NOVA1: variants seen among roughly 807,000 people sequenced by gnomAD.
NOVA1 encodes RNA-binding protein Nova-1.
In NOVA1, 7 loss-of-function variants were observed where a neutral mutation model predicts 38.0. That is an observed-to-expected ratio of 0.18 (90% CI 0.10 to 0.35). The LOEUF is 0.35. Ranked by LOEUF, NOVA1 falls within the 10% of genes least tolerant of loss-of-function variation. The pLI is 1.00. For synonymous variants in NOVA1, 270 were observed against 232.5 expected, an observed-to-expected ratio of 1.16 and a Z score of -1.47; for missense variants, 460 against 616.0, an observed-to-expected ratio of 0.75 and a Z score of 2.68.
rs1395137774 is a variant in NOVA1, at chr14:26,472,383, T to C, written c.456A>G (p.Pro152=). The change falls in exon 4 of 5, where the codon CCA becomes CCG. Residue 152 remains proline, a synonymous_variant. Coordinates refer to ENST00000539517, the MANE Select transcript of NOVA1 (RefSeq NM_002515.3). ...AGGACTTGGTGGTAGTTGGGGAAGA[T>C]GGCAATGTCTGGGAAACAAAGCAGT... is the stretch of plus-strand genomic sequence containing the variant. ...VNPDRIKQTL[P]SSPTTTKSSP... is the part of the protein sequence containing the mutation. 2.0e-6 allele frequency: 3 copies of C among 1,531,360 alleles called. No homozygotes were observed. The highest frequency in any genetic ancestry group is 1.4e-5 in the African/African-American group (1 of 72,998). The allele number at this position is 1,531,360 out of a possible 1,614,324, so 94.9% of individuals were successfully genotyped here. A position where few individuals can be genotyped will look rare whatever the true frequency, so the allele number is the denominator to read the frequency against.
intron 2 of NOVA1, among the ~76,000 whole-genome samples, chr14:26,547,887 A>T (rs560286410): frequency 6.6e-6 from 1 of 152,234 alleles, no homozygotes; most frequent in South Asian, 2.1e-4. Context: ...TGAAATACTA[A>T]ATCTATGCAA....
intron 2 of NOVA1, among the ~76,000 whole-genome samples, chr14:26,565,088 C>T (rs1309390470): frequency 6.6e-6 from 1 of 152,060 alleles, no homozygotes; most frequent in Non-Finnish European, 1.5e-5. Flanking sequence ...CAACAGGAGT[C>T]CTGTAAATTT....
chr14:26,553,691 C>T (rs1891303834), intron 2 of NOVA1, among the ~76,000 whole-genome samples: 1 of 151,992 alleles, frequency 6.6e-6, no homozygotes, highest in Admixed American at 6.6e-5. Context: ...CTCAAGCAGC[C>T]AGAGGCTATG....
intron 3 of NOVA1, among the ~76,000 whole-genome samples, chr14:26,473,024 T>C (rs190308856): frequency 1.1e-4 from 16 of 151,930 alleles, no homozygotes; most frequent in African/African-American, 3.9e-4. Context: ...CTCATATTAA[T>C]AAACAGGTAA....
In NOVA1 at chr14:26,584,920, C is replaced by A. The variant is rs183897145; in HGVS notation, c.280+10490G>T. On this transcript the variant is annotated intron_variant, in intron 2 of 4. Transcript: ENST00000539517. ...TAGGGCATTGTATACTTAGTTCTAACCCCAACAAAGCCCACTAATGTTCAT... is the reference window on the plus strand; with the variant it reads ...TAGGGCATTGTATACTTAGTTCTAAACCCAACAAAGCCCACTAATGTTCAT... Among the ~76,000 whole-genome samples, 3 of 151,482 alleles carry A rather than the reference C, an allele frequency of 2.0e-5. No homozygotes were observed. The East Asian group carries it at 5.8e-4, about 29-fold the overall frequency.
chr14:26,559,775 G>C (rs1442505033), intron 2 of NOVA1, among the ~76,000 whole-genome samples: 1 of 152,050 alleles, frequency 6.6e-6, no homozygotes, highest in Non-Finnish European at 1.5e-5. Context: ...TGATTAATGG[G>C]TACAAATATA....
At chr14:26,453,208 GTATT>G (rs1555314886) in intron 4 of NOVA1, among the ~76,000 whole-genome samples, 22 of 125,460 alleles carry the variant, frequency 1.8e-4, no homozygotes, top group African/African-American at 8.3e-4. Context: ...ATGTATGTAT[GTATT>G]TATTTATTTT....
chr14:26,596,984 C>T (rs1486916198), intron 1 of NOVA1: 3 of 1,232,572 alleles, frequency 2.4e-6, no homozygotes, highest in Non-Finnish European at 3.1e-6. Context: ...CTGAATGGAC[C>T]TTCTTGCCCA....
At chr14:26,580,876 A>G (rs1893173543) in intron 2 of NOVA1, among the ~76,000 whole-genome samples, 1 of 152,076 alleles carries the variant, frequency 6.6e-6, no homozygotes, top group Non-Finnish European at 1.5e-5. Flanking sequence ...GGGCCACATT[A>G]ATGTAATTTA....
chr14:26,450,545 C>CT (rs1339563768), intron 4 of NOVA1, among the ~76,000 whole-genome samples: 2 of 152,090 alleles, frequency 1.3e-5, no homozygotes, highest in Admixed American at 6.6e-5. Context: ...GAGAAATAGT[C>CT]TAAGTTTTCT....
At chr14:26,547,101 T>G (rs956540548) in intron 2 of NOVA1, among the ~76,000 whole-genome samples, 4 of 152,128 alleles carry the variant, frequency 2.6e-5, no homozygotes, top group African/African-American at 9.7e-5. Context: ...AATAGAAAAT[T>G]ATAATGAGAA....
chr14:26,519,811 T>C (rs1888740971), intron 2 of NOVA1, among the ~76,000 whole-genome samples: 1 of 152,078 alleles, frequency 6.6e-6, no homozygotes, highest in Non-Finnish European at 1.5e-5. Context: ...GAGAGAAAAA[T>C]AAATTTTCTA....
At chr14:26,547,613 T>C (rs962819748) in intron 2 of NOVA1, among the ~76,000 whole-genome samples, 1 of 152,024 alleles carries the variant, frequency 6.6e-6, no homozygotes, top group Non-Finnish European at 1.5e-5. Flanking sequence ...GCAGGTATAG[T>C]TTGTGCCTTT....
At chr14:26,464,668 T>C (rs541717987) in intron 4 of NOVA1, among the ~76,000 whole-genome samples, 2 of 152,298 alleles carry the variant, frequency 1.3e-5, no homozygotes, top group Admixed American at 6.5e-5. Flanking sequence ...TTGATGGTAA[T>C]TATCAGGGAT....
chr14:26,453,592 AAACTG>A (rs1156598932), intron 4 of NOVA1, among the ~76,000 whole-genome samples: 2 of 152,174 alleles, frequency 1.3e-5, no homozygotes, highest in African/African-American at 4.8e-5. Flanking sequence ...AATACCACAT[AAACTG>A]ATTTTAATAT....
At chr14:26,549,664 T>C in intron 2 of NOVA1, 1 of 1,168,926 alleles carries the variant, frequency 8.6e-7, no homozygotes, top group Non-Finnish European at 1.1e-6. Flanking sequence ...CTAGGGCAGG[T>C]ACACAAGAAA....
intron 2 of NOVA1, among the ~76,000 whole-genome samples, chr14:26,530,292 T>A (rs1889614683): frequency 6.6e-6 from 1 of 152,244 alleles, no homozygotes; most frequent in South Asian, 2.1e-4. Context: ...ACCTGCTGCA[T>A]GCTTGAAAAA....
At chr14:26,538,498 ATATT>A (rs557086994) in intron 2 of NOVA1, among the ~76,000 whole-genome samples, 82 of 152,282 alleles carry the variant, frequency 5.4e-4, no homozygotes, top group African/African-American at 1.8e-3. Context: ...TTTCCAAAGA[ATATT>A]TAATGTTTAA....
At chr14:26,529,187 G>C (rs578261010) in intron 2 of NOVA1, among the ~76,000 whole-genome samples, 1 of 151,848 alleles carries the variant, frequency 6.6e-6, no homozygotes, top group South Asian at 2.1e-4. Flanking sequence ...ACCCAGGCTG[G>C]AGTGCAGTGG....
Sources: gnomAD v4.1 joint callset for allele counts (sites outside exome capture counted in the v4.1 genomes callset) on GRCh38, gnomAD v4.1.1 for gene constraint, MANE v1.5 for transcripts, NCBI Gene and HGNC (gene_info 2026-07-23, HGNC 2026-07-21) for gene names.